Variants in EMB observed in about 807,000 individuals in gnomAD.
The protein encoded by EMB is embigin homolog.
EMB carries 31 observed loss-of-function variants against 41.4 expected under a neutral mutation model. That is an observed-to-expected ratio of 0.75 (90% CI 0.56 to 1.01). The LOEUF (loss-of-function observed/expected upper bound fraction) is 1.01, where lower values mean the gene tolerates loss of function less well. Among genes scored for constraint, EMB ranks in the 50% least tolerant of loss-of-function variants. The probability of loss-of-function intolerance (pLI) is 0.00; values close to 1 mark genes in which losing one functional copy is unlikely to be tolerated. For missense variants in EMB, 379 were observed against 388.3 expected, an observed-to-expected ratio of 0.98 and a Z score of 0.20; for synonymous variants, 137 against 140.4, an observed-to-expected ratio of 0.98 and a Z score of 0.17.
chr5:50,434,615 C>T (rs1342894698), intron 1 of EMB, among the ~76,000 whole-genome samples: 1 of 152,152 alleles, frequency 6.6e-6, no homozygotes, highest in Non-Finnish European at 1.5e-5. Flanking sequence ...TCTAAATTCC[C>T]TTTCAGGTTC....
intron 2 of EMB, among the ~76,000 whole-genome samples, chr5:50,425,538 C>T (rs1198377989): frequency 6.6e-6 from 1 of 151,936 alleles, no homozygotes; most frequent in Non-Finnish European, 1.5e-5. Context: ...ACAAACAATA[C>T]AATGAATTCC....
chr5:50,433,734 C>T (rs549087848), intron 1 of EMB, among the ~76,000 whole-genome samples: 1 of 152,294 alleles, frequency 6.6e-6, no homozygotes, highest in Non-Finnish European at 1.5e-5. Flanking sequence ...GGTGTCATAA[C>T]AAATGACTAC....
intron 2 of EMB, chr5:50,411,920 G>C (rs1338117068): frequency 6.6e-6 from 1 of 152,046 alleles, no homozygotes; most frequent in Non-Finnish European, 1.5e-5. Flanking sequence ...TATAGACATA[G>C]GTACAAGACA....
intron 7 of EMB, among the ~76,000 whole-genome samples, 178 bp downstream of exon 7, chr5:50,402,108 T>C (rs1002419257): frequency 3.1e-4 from 47 of 151,920 alleles, no homozygotes; most frequent in Admixed American, 1.3e-4. Flanking sequence ...TAGTAAGTGA[T>C]GAAGAAGAAT....
chr5:50,411,421 T>C, intron 2 of EMB, 38 bp from the exon 3 acceptor site: 4 of 1,436,044 alleles, frequency 2.8e-6, no homozygotes, highest in Non-Finnish European at 3.8e-6. Context: ...GAAAGTTATA[T>C]TCAGAGGAAT....
intron 4 of EMB, among the ~76,000 whole-genome samples, chr5:50,408,213 C>A (rs1176168231): frequency 6.6e-6 from 1 of 151,414 alleles, no homozygotes; most frequent in Admixed American, 6.6e-5. Flanking sequence ...TGTTCTTTAC[C>A]AATTAAATTT....
chr5:50,405,984 A>T, intron 4 of EMB, 132 bp from the exon 5 acceptor site: 1 of 1,295,826 alleles, frequency 7.7e-7, no homozygotes. Context: ...ATATCAATGA[A>T]ACTAATTTAT....
At chr5:50,429,379 T>A (rs1745676740) in intron 1 of EMB, among the ~76,000 whole-genome samples, 1 of 152,262 alleles carries the variant, frequency 6.6e-6, no homozygotes, top group Non-Finnish European at 1.5e-5. Context: ...TTACACTTTT[T>A]AAAAATAATC....
At chr5:50,412,249 CACACACAG>C (rs1471852145) in intron 2 of EMB, among the ~76,000 whole-genome samples, 2 of 115,186 alleles carry the variant, frequency 1.7e-5, no homozygotes, top group African/African-American at 6.9e-5. Flanking sequence ...ACCACACACA[CACACACAG>C]ACACACACAC....
intron 2 of EMB, among the ~76,000 whole-genome samples, chr5:50,423,758 G>T (rs527836052): frequency 6.6e-6 from 1 of 152,222 alleles, no homozygotes; most frequent in South Asian, 2.1e-4. Flanking sequence ...ATGTAAATTT[G>T]CAATTTAAAC....
At chr5:50,404,002 G>T (rs1055792259) in intron 5 of EMB, among the ~76,000 whole-genome samples, 1 of 151,868 alleles carries the variant, frequency 6.6e-6, no homozygotes, top group Non-Finnish European at 1.5e-5. Context: ...CCTGGGATCC[G>T]AAGTGAACTG....
intron 2 of EMB, among the ~76,000 whole-genome samples, chr5:50,420,920 T>C (rs1745510399): frequency 6.6e-6 from 1 of 152,190 alleles, no homozygotes; most frequent in African/African-American, 2.4e-5. Context: ...GAAGTTCTTG[T>C]CTCACACAGT....
At chr5:50,421,891 G>A (rs561114391) in intron 2 of EMB, among the ~76,000 whole-genome samples, 2 of 124,088 alleles carry the variant, frequency 1.6e-5, no homozygotes, top group Non-Finnish European at 3.2e-5. Flanking sequence ...ACCGGGGCCC[G>A]TTGTGGGGTG....
At chr5:50,442,568 A>G (rs559101611), upstream of EMB, among the ~76,000 whole-genome samples, 2 of 152,298 alleles carry the variant, frequency 1.3e-5, no homozygotes, top group South Asian at 2.1e-4. Context: ...GACAAATCTC[A>G]GAAAAGCCTC....
chr5:50,433,222 A>T (rs928488802), intron 1 of EMB, among the ~76,000 whole-genome samples: 5 of 152,180 alleles, frequency 3.3e-5, no homozygotes, highest in Admixed American at 3.3e-4. Flanking sequence ...TTGGACAAGA[A>T]GCCTTTACAG....
intron 2 of EMB, among the ~76,000 whole-genome samples, chr5:50,423,012 T>G (rs948002917): frequency 6.6e-6 from 1 of 151,822 alleles, no homozygotes; most frequent in Admixed American, 6.6e-5. Context: ...TGCTACATGG[T>G]TTATAACAAA....
Position 50,429,146 on chromosome 5 carries a change from G to A in EMB, c.113-919C>T, listed in dbSNP as rs575789326. ...CTTAACCTCGTGATCCGCCCGCCTC[G>A]GCCTCCCGAAGTACTGGGATTACAG... On this transcript the variant is annotated intron_variant, in intron 1 of 8. Transcript: ENST00000303221. 1.1e-4 allele frequency among the ~76,000 whole-genome samples: 17 copies of A among 152,196 alleles called. No homozygotes were observed. In the South Asian group the frequency reaches 1.2e-3, roughly 11 times the overall value.
At position 50,405,788 on chromosome 5, in the gene EMB, T is replaced by C. The variant is rs142874609; in HGVS notation, c.537A>G (p.Thr179=). 157 of 1,607,026 alleles carry C rather than the reference T, an allele frequency of 9.8e-5. No individual in the cohort carries two copies. The highest frequency in any genetic ancestry group is 1.3e-4 in the Non-Finnish European group (150 of 1,176,740). ...AAGGAAAACAATTTTGACATTTACA[T>C]GTCAAGACAGTAGAATCCCCTACGT... is the stretch of plus-strand genomic sequence containing the variant. ...ISYVGDSTVL[T]CKCQNCFPLN... is the part of the protein sequence containing the mutation. Residue 179 remains threonine (T), a synonymous_variant, in exon 5 of 9, where the codon ACA becomes ACG. Coordinates refer to ENST00000303221, the MANE Select transcript of EMB (RefSeq NM_198449.3).
At position 50,420,706 on chromosome 5, in the gene EMB, C is replaced by T. The variant is rs549145194; in HGVS notation, c.196+7438G>A. Among the ~76,000 whole-genome samples the T allele has an allele frequency of 8.5e-5, 13 of 152,318 alleles. No individual in the cohort carries two copies. In the Middle Eastern group the frequency reaches 0.01, roughly 120 times the overall value. On this transcript the variant is annotated intron_variant, in intron 2 of 8. Transcript: ENST00000303221. ...AGAAAGGGAAGTCTGCCATGTTCAC[C>T]ACTGTAAACGAGGCTTTCAATAAAT... is the stretch of plus-strand genomic sequence containing the variant.
Sources: gnomAD v4.1 joint callset for allele counts (sites outside exome capture counted in the v4.1 genomes callset) on GRCh38, gnomAD v4.1.1 for gene constraint, MANE v1.5 for transcripts, NCBI Gene and HGNC (gene_info 2026-07-23, HGNC 2026-07-21) for gene names.